The following CRPPA variants were observed in gnomAD, a reference collection of about 807,000 sequenced individuals.
The protein encoded by CRPPA is D-ribitol-5-phosphate cytidylyltransferase.
In CRPPA, 43 loss-of-function variants were observed where a neutral mutation model predicts 52.0. The ratio of observed to expected loss-of-function variants is 0.83; its 90% confidence interval spans 0.65 to 1.07. The LOEUF is 1.07. Among genes scored for constraint, CRPPA ranks in the 50% least tolerant of loss-of-function variants. The pLI is 0.00. For missense variants in CRPPA, 629 were observed against 551.7 expected, an observed-to-expected ratio of 1.14 and a Z score of -1.40; for synonymous variants, 250 against 203.5, an observed-to-expected ratio of 1.23 and a Z score of -1.94.
chr7:16,362,268 A>G (rs921087827), intron 3 of CRPPA, among the ~76,000 whole-genome samples: 14 of 152,236 alleles, frequency 9.2e-5, no homozygotes, highest in African/African-American at 3.1e-4. Context: ...TGGAGGCTGG[A>G]AAGTCCAAGA....
At chr7:16,244,602 C>A (rs1481501825) in intron 8 of CRPPA, among the ~76,000 whole-genome samples, 1 of 152,136 alleles carries the variant, frequency 6.6e-6, no homozygotes, top group South Asian at 2.1e-4. Flanking sequence ...TTGCCAAATG[C>A]CCACCTAAGT....
At chr7:16,326,422 G>T (rs2128428639) in intron 3 of CRPPA, among the ~76,000 whole-genome samples, 1 of 152,256 alleles carries the variant, frequency 6.6e-6, no homozygotes, top group South Asian at 2.1e-4. Flanking sequence ...GAATAAAATA[G>T]ATCATCTGTC....
At chr7:16,214,927 A>G (rs1782263830) in intron 9 of CRPPA, among the ~76,000 whole-genome samples, 2 of 152,212 alleles carry the variant, frequency 1.3e-5, no homozygotes, top group South Asian at 4.1e-4. Flanking sequence ...AGCCTCCTAC[A>G]GCATTAACAT....
chr7:16,156,528 C>A (rs776223899), intron 9 of CRPPA, among the ~76,000 whole-genome samples: 1 of 152,164 alleles, frequency 6.6e-6, no homozygotes, highest in Non-Finnish European at 1.5e-5. Context: ...TTCTGCCTCT[C>A]CCACAGGGAC....
At chr7:16,177,153 G>A (rs776475685) in intron 9 of CRPPA, among the ~76,000 whole-genome samples, 1 of 152,076 alleles carries the variant, frequency 6.6e-6, no homozygotes, top group African/African-American at 2.4e-5. Context: ...TAGGGGTGGG[G>A]AGAAAGTATG....
chr7:16,200,342 T>G (rs979651468), intron 9 of CRPPA, among the ~76,000 whole-genome samples: 1 of 152,202 alleles, frequency 6.6e-6, no homozygotes, highest in Non-Finnish European at 1.5e-5. Flanking sequence ...CACCAGAAAT[T>G]GGAAATGTTA....
intron 9 of CRPPA, among the ~76,000 whole-genome samples, chr7:16,113,389 A>C (rs1782305866): frequency 6.6e-6 from 1 of 152,122 alleles, no homozygotes; most frequent in African/African-American, 2.4e-5. Flanking sequence ...GGAGAATAAA[A>C]ACAACAGGCA....
At chr7:16,334,400 G>A (rs1785628996) in intron 3 of CRPPA, among the ~76,000 whole-genome samples, 1 of 152,092 alleles carries the variant, frequency 6.6e-6, no homozygotes, top group Non-Finnish European at 1.5e-5. Context: ...GGAGAATCTG[G>A]ACCCACCTAA....
At position 16,089,287 on chromosome 7, in the gene CRPPA, C is replaced by T. The variant is rs1039068849; in HGVS notation, c.*2408G>A. On this transcript the variant is annotated 3_prime_UTR_variant, in exon 10 of 10. Transcript: ENST00000407010. ...ACGTATATACATATATGTGTGTATG[C>T]GTACGTATATACATATATGTGTGTA... 5.0e-5 allele frequency: 18 copies of T among 363,308 alleles called. No individual in the cohort carries two copies. The highest frequency in any genetic ancestry group is 2.4e-4 in the East Asian group (3 of 12,528). The allele number at this position is 363,308 out of a possible 1,614,324, so 22.5% of individuals were successfully genotyped here.
chr7:16,184,988 A>G (rs533328318), intron 9 of CRPPA, among the ~76,000 whole-genome samples: 10 of 152,332 alleles, frequency 6.6e-5, no homozygotes, highest in African/African-American at 2.4e-4. Context: ...GAAAACTTAA[A>G]TGGGATAGAC....
chr7:16,227,777 C>T lies in CRPPA; in HGVS notation c.1120-11580G>A, dbSNP rs1172616075. 6.6e-5 allele frequency among the ~76,000 whole-genome samples: 10 copies of T among 151,734 alleles called. 1 individual carries two copies. The highest frequency in any genetic ancestry group is 1.5e-4 in the African/African-American group (6 of 41,358). Reference sequence around the variant, plus strand: ...ACACCAATTTGTCTATTTTTGCTTTCGTAGCCATTACTCTTGGAGTCATAC... The same window carrying T: ...ACACCAATTTGTCTATTTTTGCTTTTGTAGCCATTACTCTTGGAGTCATAC... On this transcript the variant is annotated intron_variant, in intron 8 of 9. Coordinates refer to ENST00000407010, the MANE Select transcript of CRPPA (RefSeq NM_001101426.4).
chr7:16,278,962 G>A (rs569914838), intron 5 of CRPPA, among the ~76,000 whole-genome samples: 1 of 152,228 alleles, frequency 6.6e-6, no homozygotes, highest in Non-Finnish European at 1.5e-5. Flanking sequence ...GTTCAACCAT[G>A]GGCTGAAATC....
chr7:16,229,270 C>T (rs560279889), intron 8 of CRPPA, among the ~76,000 whole-genome samples: 1 of 152,004 alleles, frequency 6.6e-6, no homozygotes, highest in African/African-American at 2.4e-5. Flanking sequence ...AATATACTTA[C>T]ATTCAAGATA....
intron 3 of CRPPA, among the ~76,000 whole-genome samples, chr7:16,351,547 C>T (rs1786152746): frequency 1.3e-5 from 2 of 151,954 alleles, no homozygotes; most frequent in African/African-American, 4.8e-5. Context: ...ATACAAGGAA[C>T]TTAAGCAAAT....
chr7:16,200,957 T>C lies in CRPPA; in HGVS notation c.1251+15109A>G, dbSNP rs550841159. ...GTCCTATTCTTGTTCATTTATGTTA[T>C]TTTTTATAGAAGCATTTTTCCTTAA... On this transcript the variant is annotated intron_variant, in intron 9 of 9. Transcript: ENST00000407010. 3.3e-5 allele frequency among the ~76,000 whole-genome samples: 5 copies of C among 152,314 alleles called. No homozygotes were observed. The South Asian group carries it at 1.0e-3, about 32-fold the overall frequency.
At chr7:16,114,602 G>C (rs1001521035) in intron 9 of CRPPA, among the ~76,000 whole-genome samples, 3 of 151,664 alleles carry the variant, frequency 2.0e-5, no homozygotes, top group African/African-American at 7.3e-5. Context: ...TCAAGGAAGG[G>C]ACTTAAAATT....
At chr7:16,229,197 T>C (rs1273519089) in intron 8 of CRPPA, among the ~76,000 whole-genome samples, 1 of 152,012 alleles carries the variant, frequency 6.6e-6, no homozygotes, top group East Asian at 1.9e-4. Flanking sequence ...TAGTCTCTCT[T>C]TGGCAGCATA....
At chr7:16,113,198 G>C (rs929464933) in intron 9 of CRPPA, among the ~76,000 whole-genome samples, 1 of 151,682 alleles carries the variant, frequency 6.6e-6, no homozygotes, top group African/African-American at 2.4e-5. Flanking sequence ...AAAGAAAAAA[G>C]AATCTCAAAA....
chr7:16,330,987 GT>G, intron 3 of CRPPA, among the ~76,000 whole-genome samples: 1 of 151,910 alleles, frequency 6.6e-6, no homozygotes, highest in Non-Finnish European at 1.5e-5. Flanking sequence ...TAAGAAACAT[GT>G]TTTTTTGTTT....
Sources: gnomAD v4.1 joint callset for allele counts (sites outside exome capture counted in the v4.1 genomes callset) on GRCh38, gnomAD v4.1.1 for gene constraint, MANE v1.5 for transcripts, NCBI Gene and HGNC (gene_info 2026-07-23, HGNC 2026-07-21) for gene names.